Variants in SCNN1D observed in about 807,000 individuals in gnomAD.
The protein encoded by SCNN1D is sodium channel epithelial 1 subunit delta, also known as epithelial sodium channel subunit delta.
In SCNN1D, 104 loss-of-function variants were observed where a neutral mutation model predicts 87.8. The observed-to-expected ratio is 1.18, with a 90% CI of 1.01 to 1.39. SCNN1D has a LOEUF of 1.39. Ranked by LOEUF, SCNN1D falls within the 40% of genes most tolerant of loss-of-function variation. The pLI, the probability that SCNN1D is intolerant of heterozygous loss-of-function variation, is 0.00. For synonymous variants in SCNN1D, 628 were observed against 481.2 expected (o/e 1.31, Z -3.99); for missense variants, 1,324 against 1,093.9 (o/e 1.21, Z -2.97).
At chr1:1,288,702 CCCGA>C (rs1440652478) in intron 12 of SCNN1D, among the ~76,000 whole-genome samples, 1 of 12,276 alleles carries the variant, frequency 8.1e-5, no homozygotes, top group Non-Finnish European at 1.3e-4. Context: ...TGCTCCGTCC[CCCGA>C]GTCTCTGCTC....
chr1:1,284,585 G>GAGCGTGTGCTGGACCACGGGGGGTGCAC (rs1640547609), intron 5 of SCNN1D, among the ~76,000 whole-genome samples: 4 of 143,572 alleles, frequency 2.8e-5, no homozygotes, highest in African/African-American at 1.1e-4. Flanking sequence ...GGGGGGTGCC[G>GAGCGTGTGCTGGACCACGGGGGGTGCAC]AGCGTGTGCT....
chr1:1,281,252 C>T lies in SCNN1D; in HGVS notation c.32C>T (p.Pro11Leu), dbSNP rs1158764009. Residue 11 changes from proline (P) to leucine (L), a missense_variant, in exon 2 of 18, where the codon CCG (proline) becomes CTG (leucine). By Grantham distance (98) the Pro-to-Leu change is moderately conservative. Transcript: ENST00000379116. ...GCAGTGCTGTCACAGAAGACAACAC[C>T]GCTCCCTCGTTACCTGTGGCCCGGC... is the stretch of plus-strand genomic sequence containing the variant. MRAVLSQKTT[P>L]LPRYLWPGHL... The T allele has an allele frequency of 2.7e-5, 41 of 1,535,590 alleles. No individual in the cohort carries two copies. The highest frequency in any genetic ancestry group is 1.2e-4 in the East Asian group (5 of 40,934).
chr1:1,282,223 G>A lies in SCNN1D; in HGVS notation c.278-19G>A, dbSNP rs776110910. On this transcript the variant is annotated intron_variant, in intron 3 of 17. Transcript: ENST00000379116. ...TCGGGAAGGCCACACAGCCAGTGACGAAGCTGTGATTCACACAGGCCTGGG... is the reference window on the plus strand; with the variant it reads ...TCGGGAAGGCCACACAGCCAGTGACAAAGCTGTGATTCACACAGGCCTGGG... The A allele has an allele frequency of 1.4e-5, 19 of 1,341,436 alleles. No homozygotes were observed. The highest frequency in any genetic ancestry group is 6.3e-5 in the South Asian group (5 of 79,862). 83.1% of individuals were successfully genotyped at this position (1,341,436 alleles called of 1,614,324 possible). A position where few individuals can be genotyped will look rare whatever the true frequency, so the allele number is the denominator to read the frequency against.
At position 1,287,674 on chromosome 1, in the gene SCNN1D, A is replaced by G; in HGVS notation, c.1401A>G (p.Gly467=). The G allele has an allele frequency of 1.9e-6, 3 of 1,611,846 alleles. No individual in the cohort carries two copies. Among genetic ancestry groups the G allele is most frequent in the Non-Finnish European group, 2.5e-6 (3 of 1,179,556 alleles). ...TCACACCAGCCCTTGGCCTCCCAGG[A>G]GTCGGCCTGGTCCTCAGGGTTGAGC... is the stretch of plus-strand genomic sequence containing the variant. The part of the protein sequence containing the change: ...WTAQRPGITH[G]VGLVLRVEQQ... Residue 467 remains glycine, a splice_region_variant and synonymous_variant, in exon 11 of 18, where the codon GGA becomes GGG. Transcript: ENST00000379116.
chr1:1,288,192 C>CGCTCCATTCCCTGTGTCTCT (rs1640651462), intron 12 of SCNN1D, among the ~76,000 whole-genome samples, 155 bp downstream of exon 12: 3 of 146,666 alleles, frequency 2.0e-5, no homozygotes, highest in African/African-American at 8.0e-5. Flanking sequence ...CCCGTGTCCC[C>CGCTCCATTCCCTGTGTCTCT]GCTCCATTCC....
rs764115609 is a variant in SCNN1D, at chr1:1,286,885, C to G, written c.1029C>G (p.Pro343=). ...GAGCCGCCCTCTCCGCCACTGTCCC[C>G]CGCCACGAGCCCCCCTTCCACCTGG... ...KGRAALSATV[P]RHEPPFHLDR... Residue 343 remains proline (P), a synonymous_variant, in exon 8 of 18, where the codon CCC becomes CCG. Transcript: ENST00000379116. The G allele has an allele frequency of 1.2e-6, 2 of 1,612,624 alleles. No homozygotes were observed. Among genetic ancestry groups the G allele is most frequent in the South Asian group, 2.2e-5 (2 of 91,076 alleles).
intron 4 of SCNN1D, among the ~76,000 whole-genome samples, chr1:1,282,673 G>A (rs1192469632): frequency 6.6e-6 from 1 of 152,130 alleles, no homozygotes; most frequent in African/African-American, 2.4e-5. Context: ...CTTAGTGTGT[G>A]TGAGGTCGTA....
Position 1,287,186 on chromosome 1 carries a change from C to T in SCNN1D, c.1197C>T (p.Phe399=). The change falls in exon 9 of 18, where the codon TTC becomes TTT. Residue 399 remains phenylalanine (F), a synonymous_variant. Transcript: ENST00000379116. ...CGGCTGTCCAGGACTGGTACCACTT[C>T]CACTATGTGGATATCCTGGCCCTGC... ...GVAAVQDWYH[F]HYVDILALLP... is the part of the protein sequence containing the mutation. 1.2e-5 allele frequency: 19 copies of T among 1,612,264 alleles called. No homozygotes were observed. Among genetic ancestry groups the T allele is most frequent in the Non-Finnish European group, 1.6e-5 (19 of 1,179,626 alleles).
chr1:1,287,568 G>A lies in SCNN1D; in HGVS notation c.1371G>A (p.Trp457Ter). The A allele has an allele frequency of 3.8e-6, 6 of 1,583,226 alleles. No individual in the cohort carries two copies. The highest frequency in any genetic ancestry group is 4.3e-6 in the Non-Finnish European group (5 of 1,162,860). Residue 457 changes from tryptophan to a stop codon, truncating the protein, a stop_gained, in exon 10 of 18, where the codon TGG becomes TGA. Transcript: ENST00000379116. LOFTEE classifies it high-confidence loss of function. Reference protein sequence around the residue: ...YGSCYTVDGVWTAQRPGITHG... With the variant: ...YGSCYTVDGV ...GCTGCTACACGGTCGATGGCGTCTG[G>A]ACAGCTCAGCGCCCCGGCATCACCC...
At chr1:1,284,794 T>C (rs1640553076) in intron 5 of SCNN1D, among the ~76,000 whole-genome samples, 1 of 152,102 alleles carries the variant, frequency 6.6e-6, no homozygotes, top group Non-Finnish European at 1.5e-5. Flanking sequence ...AGTGTAGTCC[T>C]GTCTCACACA....
chr1:1,284,314 G>GA (rs1355394667), intron 5 of SCNN1D, among the ~76,000 whole-genome samples: 3 of 109,912 alleles, frequency 2.7e-5, no homozygotes, highest in African/African-American at 1.2e-4. Context: ...GGGGTGGGGG[G>GA]TAGGGGTGGG....
chr1:1,290,827 C>A, intron 15 of SCNN1D, 68 bp from the exon 16 acceptor site: 2 of 1,586,998 alleles, frequency 1.3e-6, no homozygotes, highest in East Asian at 2.3e-5. Flanking sequence ...CCCCCACATC[C>A]GCCCGTGGTA....
intron 12 of SCNN1D, among the ~76,000 whole-genome samples, chr1:1,290,040 G>A (rs541982548): frequency 3.3e-5 from 3 of 91,140 alleles, no homozygotes; most frequent in Admixed American, 1.2e-4. Flanking sequence ...GCTCCGTCCC[G>A]TGTCCCTGCT....
intron 3 of SCNN1D, 53 bp downstream of exon 3, chr1:1,281,663 G>A (rs1640474355): frequency 2.0e-6 from 3 of 1,472,740 alleles, no homozygotes; most frequent in East Asian, 2.5e-5. Flanking sequence ...GGAGGGGGGT[G>A]GAGCCGGGAG....
chr1:1,285,694 CCTG>C (rs1194140974), intron 6 of SCNN1D, 30 bp downstream of exon 6: 1 of 1,474,962 alleles, frequency 6.8e-7, no homozygotes. Context: ...TTCTCTGAGT[CCTG>C]CTGCCCCAGC....
In SCNN1D at chr1:1,287,820, C is replaced by T. The variant is rs2100331419; in HGVS notation, c.1547C>T (p.Thr516Ile). 1 of 1,558,918 alleles carries T rather than the reference C, an allele frequency of 6.4e-7. No individual in the cohort carries two copies. Among genetic ancestry groups the T allele is most frequent in the Non-Finnish European group, 8.7e-7 (1 of 1,150,918 alleles). The change falls in exon 11 of 18, where the codon ACC (threonine) becomes ATC (isoleucine). Residue 516 changes from threonine to isoleucine, a missense_variant. Physicochemically the swap from Thr to Ile is moderately conservative, Grantham distance 89 (BLOSUM62 -1). Coordinates refer to ENST00000379116, the MANE Select transcript of SCNN1D (RefSeq NM_001130413.4). Reference protein sequence around the residue: ...SFSVRPGTEATISIREDEVHR... With the variant: ...SFSVRPGTEAIISIREDEVHR... ...AGCGTCCGGCCAGGGACGGAGGCCA[C>T]CATCAGCATCCGAGAGGTGAGCTGG...
rs762383126 is a variant in SCNN1D at position 1,287,768 on chromosome 1, A to C, written c.1495A>C (p.Thr499Pro). 1 of 1,599,408 alleles carries C rather than the reference A, an allele frequency of 6.3e-7. No individual in the cohort carries two copies. The highest frequency in any genetic ancestry group is 1.3e-5 in the African/African-American group (1 of 74,542). Residue 499 changes from threonine (T) to proline (P), a missense_variant, in exon 11 of 18, where the codon ACG becomes CCG. Transcript: ENST00000379116. ...IRVMVHGRNHTPFLGHHSFSV... is the reference protein window; with the variant it reads ...IRVMVHGRNHPPFLGHHSFSV... Reference sequence around the variant, plus strand: ...GGTCATGGTTCACGGCCGTAACCACACGCCCTTCCTGGGGCACCACAGCTT... The same window carrying C: ...GGTCATGGTTCACGGCCGTAACCACCCGCCCTTCCTGGGGCACCACAGCTT...
In SCNN1D at chr1:1,288,209, C is replaced by CTCTGCCCCGTCCTGTG. The variant is rs1557584086; in HGVS notation, c.1662+177_1662+178insCCCGTCCTGTGTCTGC. Among the ~76,000 whole-genome samples, 312 of 146,586 alleles carry CTCTGCCCCGTCCTGTG rather than the reference C, an allele frequency of 2.1e-3. 10 individuals carry two copies. The highest frequency in any genetic ancestry group is 3.4e-3 in the Non-Finnish European group (220 of 65,570). On this transcript the variant is annotated intron_variant, in intron 12 of 17. Coordinates refer to ENST00000379116, the MANE Select transcript of SCNN1D (RefSeq NM_001130413.4). ...CGTGTCCCCGCTCCATTCCCTGTGTCTCTGCTCCGTCCCGTGTCTCTGCTC... is the reference window on the plus strand; with the variant it reads ...CGTGTCCCCGCTCCATTCCCTGTGTCTCTGCCCCGTCCTGTGTCTGCTCCGTCCCGTGTCTCTGCTC...
rs1437514018 is a variant in SCNN1D at position 1,287,841 on chromosome 1, G to A, written c.1563+5G>A. Reference sequence around the variant, plus strand: ...GCCACCATCAGCATCCGAGAGGTGAGCTGGCCTCTGCAGCCAACCTCCGGC... The same window carrying A: ...GCCACCATCAGCATCCGAGAGGTGAACTGGCCTCTGCAGCCAACCTCCGGC... On this transcript the variant is annotated splice_donor_5th_base_variant and intron_variant, in intron 11 of 17. Transcript: ENST00000379116. 1 of 1,533,300 alleles carries A rather than the reference G, an allele frequency of 6.5e-7. No homozygotes were observed. Among genetic ancestry groups the A allele is most frequent in the Non-Finnish European group, 8.8e-7 (1 of 1,134,810 alleles). 95.0% of individuals were successfully genotyped at this position (1,533,300 alleles called of 1,614,324 possible).
Sources: gnomAD v4.1 joint callset for allele counts (sites outside exome capture counted in the v4.1 genomes callset) on GRCh38, gnomAD v4.1.1 for gene constraint, MANE v1.5 for transcripts, NCBI Gene and HGNC (gene_info 2026-07-23, HGNC 2026-07-21) for gene names.